The following TBC1D9B variants were observed in gnomAD, a reference collection of about 807,000 sequenced individuals.
The protein encoded by TBC1D9B is TBC1 domain family, member 9B (with GRAM domain).
TBC1D9B carries 87 observed loss-of-function variants against 121.1 expected under a neutral mutation model. The ratio of observed to expected loss-of-function variants is 0.72; its 90% CI spans 0.60 to 0.86. The LOEUF (loss-of-function observed/expected upper bound fraction) is 0.86. Among genes scored for constraint, TBC1D9B ranks in the 40% least tolerant of loss-of-function variants. The pLI is 0.00. For synonymous variants in TBC1D9B, 668 were observed against 670.1 expected (o/e 1.00, Z 0.05); for missense variants, 1,540 against 1,628.6 (o/e 0.95, Z 0.94).
chr5:179,904,460 C>T lies in TBC1D9B; in HGVS notation c.229+242G>A, dbSNP rs1012561792. ...CAGGATGGTCTCGATCTCCTGACCT[C>T]GTGATCAGCCCGCCTCGGCCTCCCA... On this transcript the variant is annotated intron_variant, in intron 2 of 20. Transcript: ENST00000355235. This position sits in a 1 kb window ranked among gnomAD's most constrained non-coding sequence, Gnocchi z 4.2. Among the ~76,000 whole-genome samples the T allele has an allele frequency of 2.6e-5, 4 of 152,048 alleles. No individual in the cohort carries two copies. The highest frequency in any genetic ancestry group is 6.6e-5 in the Admixed American group (1 of 15,264).
At chr5:179,868,037 T>G in intron 17 of TBC1D9B, 188 bp from the exon 18 acceptor site, 2 of 455,720 alleles carry the variant, frequency 4.4e-6, no homozygotes, top group African/African-American at 2.0e-5. Flanking sequence ...ATTTGTTACT[T>G]TCCTCAGCTT....
rs1582086198 is a variant in TBC1D9B at position 179,879,265 on chromosome 5, G to A, written c.1417-68C>T. On this transcript the variant is annotated intron_variant, in intron 8 of 20. Coordinates refer to ENST00000355235, the MANE Select transcript of TBC1D9B (RefSeq NM_015043.4). ...TCTGAGTGCCGAGGCCTAGGCCACC[G>A]CGGAAGCCTCGTGAACACTCCAGAC... is the stretch of plus-strand genomic sequence containing the variant. 1.7e-5 allele frequency: 27 copies of A among 1,544,318 alleles called. No homozygotes were observed. The Admixed American group carries it at 4.2e-4, about 24-fold the overall frequency.
In TBC1D9B at chr5:179,904,731, T is replaced by C. The variant is rs1226967048; in HGVS notation, c.200A>G (p.Asp67Gly). 20 of 1,576,374 alleles carry C rather than the reference T, an allele frequency of 1.3e-5. No individual in the cohort carries two copies. The highest frequency in any genetic ancestry group is 1.6e-5 in the Non-Finnish European group (19 of 1,161,338). The change falls in exon 2 of 21, where the codon GAC (aspartate) becomes GGC (glycine). Residue 67 changes from aspartate to glycine, a missense_variant. Physicochemically the swap from Asp to Gly is moderately conservative, Grantham distance 94. Coordinates refer to ENST00000355235, the MANE Select transcript of TBC1D9B (RefSeq NM_015043.4). This position sits in a 1 kb window ranked among gnomAD's most constrained non-coding sequence, Gnocchi z 4.2. Reference sequence around the variant, plus strand: ...CGCCACTGTCCAGTAGACCTGGGAGTCCTGGGTCTGGTGCAGGATGCGGTA... The same window carrying C: ...CGCCACTGTCCAGTAGACCTGGGAGCCCTGGGTCTGGTGCAGGATGCGGTA... ...APYRILHQTQ[D>G]SQVYWTVACG...
At chr5:179,870,168 G>C in intron 16 of TBC1D9B, 87 bp downstream of exon 16, 1 of 1,568,218 alleles carries the variant, frequency 6.4e-7, no homozygotes, top group Non-Finnish European at 8.7e-7. Context: ...GCTGCAGGGG[G>C]AACAGACAGG....
rs1476142470 is a variant in TBC1D9B at position 179,875,341 on chromosome 5, A to C, written c.1901-154T>G. ...AGTGCTGGGAGAAAACAAGGACGAA[A>C]AAACCCTTCAAGTCTCTCTACAGCT... is the stretch of plus-strand genomic sequence containing the variant. On this transcript the variant is annotated intron_variant, in intron 11 of 20. Transcript: ENST00000355235. This position sits in a 1 kb window ranked among gnomAD's most constrained non-coding sequence, Gnocchi z 4.5. 6.6e-6 allele frequency among the ~76,000 whole-genome samples: 1 copy of C among 152,194 alleles called. No individual in the cohort carries two copies. Among genetic ancestry groups the C allele is most frequent in the African/African-American group, 2.4e-5 (1 of 41,446 alleles).
chr5:179,879,028 G>T lies in TBC1D9B; in HGVS notation c.1567+19C>A. On this transcript the variant is annotated intron_variant, in intron 9 of 20. Transcript: ENST00000355235. ...CTGACTGGCTGAGCTGAGGCTGGGG[G>T]TGGCTGCACCCCACTCACCGGAGAA... The T allele has an allele frequency of 1.3e-6, 2 of 1,597,302 alleles. No individual in the cohort carries two copies. The highest frequency in any genetic ancestry group is 1.7e-6 in the Non-Finnish European group (2 of 1,177,956).
At chr5:179,866,394 T>C (rs1760011390) in intron 18 of TBC1D9B, 1 of 154,092 alleles carries the variant, frequency 6.5e-6, no homozygotes, top group African/African-American at 2.4e-5. Context: ...TGGCGCGCAC[T>C]ATACTCCCTG....
In TBC1D9B at chr5:179,862,281, T is replaced by A. The variant is rs1002067621; in HGVS notation, c.*1167A>T. ...ATAAGGGGGTAACTGCTGTATCTTTTAGTAGAAGCAAGAGCAGCCCCATGT... is the reference window on the plus strand; with the variant it reads ...ATAAGGGGGTAACTGCTGTATCTTTAAGTAGAAGCAAGAGCAGCCCCATGT... On this transcript the variant is annotated 3_prime_UTR_variant, in exon 21 of 21. Transcript: ENST00000355235. 11 of 270,008 alleles carry A rather than the reference T, an allele frequency of 4.1e-5. 1 individual carries two copies. The highest frequency in any genetic ancestry group is 2.0e-4 in the Admixed American group (5 of 24,796). 16.7% of individuals were successfully genotyped at this position (270,008 alleles called of 1,614,324 possible).
chr5:179,878,922 T>C (rs954579891), intron 9 of TBC1D9B, 125 bp downstream of exon 9: 2 of 1,331,668 alleles, frequency 1.5e-6, no homozygotes, highest in Non-Finnish European at 2.0e-6. Context: ...CTCCCGGCTG[T>C]GTGAAAGAGC....
At chr5:179,878,547 G>C (rs898753398) in intron 9 of TBC1D9B, 24 bp from the exon 10 acceptor site, 123 of 1,571,708 alleles carry the variant, frequency 7.8e-5, no homozygotes, top group Admixed American at 7.4e-5. Flanking sequence ...GGTGCCAGCT[G>C]TCTCTGTCCT....
At position 179,873,184 on chromosome 5, in the gene TBC1D9B, G is replaced by A; in HGVS notation, c.2251C>T (p.Leu751=). 6.2e-7 allele frequency: 1 copy of A among 1,613,394 alleles called. No homozygotes were observed. Among genetic ancestry groups the A allele is most frequent in the Non-Finnish European group, 8.5e-7 (1 of 1,179,770 alleles). The change falls in exon 13 of 21, where the codon CTG becomes TTG. Residue 751 remains leucine, a synonymous_variant. Coordinates refer to ENST00000355235, the MANE Select transcript of TBC1D9B (RefSeq NM_015043.4). ...GCAGGGGGGTCATCGCTGCTGCTCA[G>A]CAAGGCACGGAGGTGCGGGATAGGA... ...SPPIPHLRAL[L]SSSDDPPAEV...
Position 179,875,260 on chromosome 5 carries a change from G to C in TBC1D9B, c.1901-73C>G. On this transcript the variant is annotated intron_variant, in intron 11 of 20. Coordinates refer to ENST00000355235, the MANE Select transcript of TBC1D9B (RefSeq NM_015043.4). This position sits in a 1 kb window ranked among gnomAD's most constrained non-coding sequence, Gnocchi z 4.5. ...GGGTGGGCCCTCACCTGCAGCGTAC[G>C]AGCCCTGGCCACTCCAGCCCTGCCA... The C allele has an allele frequency of 1.3e-6, 2 of 1,538,988 alleles. No individual in the cohort carries two copies. Among genetic ancestry groups the C allele is most frequent in the East Asian group, 2.3e-5 (1 of 43,654 alleles).
At chr5:179,870,649 GCT>G in intron 15 of TBC1D9B, 154 bp from the exon 16 acceptor site, 1 of 1,177,372 alleles carries the variant, frequency 8.5e-7, no homozygotes, top group South Asian at 1.6e-5. Context: ...CCTCCCGAAA[GCT>G]CTCAGGCTGT....
chr5:179,879,296 T>C (rs764068504), intron 8 of TBC1D9B, 99 bp from the exon 9 acceptor site: 34 of 1,483,234 alleles, frequency 2.3e-5, no homozygotes, highest in Non-Finnish European at 3.0e-5. Context: ...CAGACAGTGC[T>C]GGCCAGCAAG....
rs1406776852 is a variant in TBC1D9B, at chr5:179,890,318, C to G, written c.1044+1061G>C. 6.6e-6 allele frequency among the ~76,000 whole-genome samples: 1 copy of G among 152,208 alleles called. No homozygotes were observed. Among genetic ancestry groups the G allele is most frequent in the African/African-American group, 2.4e-5 (1 of 41,446 alleles). ...GTGAGCTAGTCCTGCTCCCCGAGCT[C>G]CGCCAGGGCTCTCTACCATCTGAGA... On this transcript the variant is annotated intron_variant, in intron 6 of 20. Coordinates refer to ENST00000355235, the MANE Select transcript of TBC1D9B (RefSeq NM_015043.4). The surrounding 1 kb of genome is among the most constrained non-coding windows in gnomAD (Gnocchi z 5.0).
rs1264325944 is a variant in TBC1D9B, at chr5:179,873,202, G to A, written c.2233C>T (p.Pro745Ser). ...VNKQSVSPPI[P>S]HLRALLSSSD... is the part of the protein sequence containing the mutation. ...CTGCTCAGCAAGGCACGGAGGTGCG[G>A]GATAGGAGGAGAGACACTCTGCTTG... Residue 745 changes from proline to serine, a missense_variant, in exon 13 of 21, where the codon CCG becomes TCG. Physicochemically the swap from Pro to Ser is moderately conservative, Grantham distance 74 (BLOSUM62 -1). Transcript: ENST00000355235. 5.0e-6 allele frequency: 8 copies of A among 1,613,092 alleles called. No individual in the cohort carries two copies. The highest frequency in any genetic ancestry group is 5.9e-6 in the Non-Finnish European group (7 of 1,179,678).
intron 20 of TBC1D9B, among the ~76,000 whole-genome samples, chr5:179,864,515 C>T (rs1759947536): frequency 6.6e-6 from 1 of 152,030 alleles, no homozygotes; most frequent in African/African-American, 2.4e-5. Context: ...CTCAACTCAG[C>T]CCTTGAATGA....
At chr5:179,900,357 C>G (rs986557411) in intron 2 of TBC1D9B, among the ~76,000 whole-genome samples, 1 of 152,146 alleles carries the variant, frequency 6.6e-6, no homozygotes, top group Non-Finnish European at 1.5e-5. Flanking sequence ...GGCTCCCCTA[C>G]CCCCAGCACC....
intron 2 of TBC1D9B, among the ~76,000 whole-genome samples, chr5:179,899,579 T>C (rs1477255956): frequency 1.3e-5 from 2 of 151,848 alleles, no homozygotes; most frequent in African/African-American, 4.8e-5. Flanking sequence ...ACAGGGAGAG[T>C]CACTAAGTCT....
Sources: allele counts gnomAD v4.1 joint callset (sites outside exome capture counted in the v4.1 genomes callset), GRCh38; gene constraint gnomAD v4.1.1; non-coding constraint Gnocchi (gnomAD v3.1); transcripts MANE v1.5; gene names NCBI Gene and HGNC (gene_info 2026-07-23, HGNC 2026-07-21).